Variants in TSHZ2 observed in about 807,000 individuals in gnomAD.
The protein encoded by TSHZ2 is teashirt zinc finger homeobox 2, also known as teashirt homolog 2.
Under a neutral mutation model 74.4 loss-of-function variants are expected in TSHZ2, and 21 were observed. The ratio of observed to expected loss-of-function variants is 0.28; its 90% confidence interval spans 0.20 to 0.41. TSHZ2 has a LOEUF of 0.41. Among genes scored for constraint, TSHZ2 ranks in the 10% least tolerant of loss-of-function variants. The probability of loss-of-function intolerance (pLI) is 1.00; values close to 1 mark genes in which losing one functional copy is unlikely to be tolerated. For missense variants in TSHZ2, 1,244 were observed against 1,293.5 expected (o/e 0.96, Z 0.59); for synonymous variants, 540 against 515.3 (o/e 1.05, Z -0.65).
chr20:53,238,062 C>G (rs532600024), intron 1 of TSHZ2, among the ~76,000 whole-genome samples: 2 of 152,074 alleles, frequency 1.3e-5, no homozygotes, highest in Admixed American at 6.6e-5. Flanking sequence ...TACTAACATG[C>G]CTTTGTGTTC....
chr20:53,116,310 T>C (rs1323357063), intron 1 of TSHZ2, among the ~76,000 whole-genome samples: 2 of 152,208 alleles, frequency 1.3e-5, no homozygotes, highest in Non-Finnish European at 2.9e-5. Context: ...TTTGTCTTTA[T>C]TGCATAGGCA....
chr20:53,154,435 CTCG>C (rs1480714725), intron 1 of TSHZ2, among the ~76,000 whole-genome samples: 2 of 152,232 alleles, frequency 1.3e-5, no homozygotes, highest in East Asian at 3.8e-4. Context: ...CTCCCAGCTT[CTCG>C]TCAACTTCCT....
intron 1 of TSHZ2, among the ~76,000 whole-genome samples, chr20:53,013,773 C>T (rs1040024871): frequency 6.6e-6 from 1 of 152,198 alleles, no homozygotes; most frequent in African/African-American, 2.4e-5. Context: ...TTTATTTAAG[C>T]ATCAGTGATA....
intron 1 of TSHZ2, among the ~76,000 whole-genome samples, chr20:53,054,389 T>G (rs1600667959): frequency 6.6e-6 from 1 of 152,234 alleles, no homozygotes; most frequent in African/African-American, 2.4e-5. Flanking sequence ...ACACATCCTA[T>G]CCATTGTCAA....
chr20:53,246,017 T>C (rs1394531221), intron 1 of TSHZ2, among the ~76,000 whole-genome samples: 2 of 151,416 alleles, frequency 1.3e-5, no homozygotes, highest in Non-Finnish European at 2.9e-5. Flanking sequence ...GTAGCAGCTG[T>C]GCTTTTCTTT....
chr20:53,263,370 G>T (rs1990640743), intron 2 of TSHZ2, among the ~76,000 whole-genome samples: 1 of 152,166 alleles, frequency 6.6e-6, no homozygotes, highest in Admixed American at 6.5e-5. Flanking sequence ...GGATACCGGT[G>T]CCCAAATATT....
At chr20:53,123,294 T>G (rs1986862514) in intron 1 of TSHZ2, among the ~76,000 whole-genome samples, 1 of 152,250 alleles carries the variant, frequency 6.6e-6, no homozygotes, top group South Asian at 2.1e-4. Context: ...CTCACCAGTC[T>G]GTGGAGTACA....
intron 2 of TSHZ2, among the ~76,000 whole-genome samples, chr20:53,469,834 G>C (rs1464419257): frequency 7.6e-6 from 1 of 131,284 alleles, no homozygotes; most frequent in Non-Finnish European, 1.7e-5. Flanking sequence ...AAGAGAGAGG[G>C]AGGAAGGGAG....
At chr20:53,095,785 T>A (rs6022276) in intron 1 of TSHZ2, among the ~76,000 whole-genome samples, 26,067 of 151,970 alleles carry the variant, frequency 0.17, 2,784 homozygotes, top group African/African-American at 0.3. Context: ...CAGTTCTGAC[T>A]ACCAAAAATG....
intron 1 of TSHZ2, among the ~76,000 whole-genome samples, chr20:53,082,349 G>A (rs1985563665): frequency 6.6e-6 from 1 of 152,174 alleles, no homozygotes; most frequent in Non-Finnish European, 1.5e-5. Context: ...AGGTGGTCGA[G>A]CCATAATAAA....
chr20:53,003,138 C>T (rs1293981378), intron 1 of TSHZ2, among the ~76,000 whole-genome samples: 1 of 152,120 alleles, frequency 6.6e-6, no homozygotes, highest in South Asian at 2.1e-4. Flanking sequence ...CTAAGCACTT[C>T]CAGTATGAAA....
intron 1 of TSHZ2, among the ~76,000 whole-genome samples, chr20:53,068,721 A>G (rs1158219045): frequency 2.0e-5 from 3 of 152,224 alleles, no homozygotes; most frequent in African/African-American, 7.2e-5. Context: ...ATAAATGCTA[A>G]ATTAGATTAC....
intron 2 of TSHZ2, among the ~76,000 whole-genome samples, chr20:53,338,167 C>T (rs143910994): frequency 1.3e-5 from 2 of 152,348 alleles, no homozygotes; most frequent in African/African-American, 4.8e-5. Context: ...GTTATTGTTA[C>T]TATTCCACCT....
chr20:53,402,916 G>A (rs1396352735), intron 2 of TSHZ2, among the ~76,000 whole-genome samples: 1 of 152,124 alleles, frequency 6.6e-6, no homozygotes, highest in Admixed American at 6.5e-5. Flanking sequence ...CAGCTCCCAG[G>A]GCTGCCTCAA....
At chr20:53,192,864 G>A (rs533437880) in intron 1 of TSHZ2, among the ~76,000 whole-genome samples, 5 of 152,296 alleles carry the variant, frequency 3.3e-5, no homozygotes, top group African/African-American at 1.2e-4. Context: ...TGTTGAGAAA[G>A]ATGATTTTTC....
intron 1 of TSHZ2, among the ~76,000 whole-genome samples, chr20:53,062,800 C>G (rs1254778747): frequency 6.6e-6 from 1 of 152,114 alleles, no homozygotes; most frequent in Non-Finnish European, 1.5e-5. Flanking sequence ...ACTTGGCTAC[C>G]TGGTTGGCAC....
chr20:53,059,423 C>T (rs1016525639), intron 1 of TSHZ2, among the ~76,000 whole-genome samples: 4 of 152,166 alleles, frequency 2.6e-5, no homozygotes, highest in Admixed American at 2.0e-4. Flanking sequence ...ACAAGGTTAA[C>T]ATTCCGAGAA....
At chr20:53,368,589 G>A (rs1489645516) in intron 2 of TSHZ2, among the ~76,000 whole-genome samples, 1 of 152,184 alleles carries the variant, frequency 6.6e-6, no homozygotes, top group African/African-American at 2.4e-5. Context: ...GGGATTACAG[G>A]CGTGAGCCTG....
At chr20:53,200,186 G>A (rs1265431649) in intron 1 of TSHZ2, among the ~76,000 whole-genome samples, 1 of 152,122 alleles carries the variant, frequency 6.6e-6, no homozygotes, top group Non-Finnish European at 1.5e-5. Flanking sequence ...GGTGGAGGGG[G>A]ACTTCCTCAG....
Sources: gnomAD v4.1 joint callset for allele counts (sites outside exome capture counted in the v4.1 genomes callset) on GRCh38, gnomAD v4.1.1 for gene constraint, MANE v1.5 for transcripts, NCBI Gene and HGNC (gene_info 2026-07-23, HGNC 2026-07-21) for gene names.